Variants in SHQ1 observed in about 807,000 individuals in gnomAD.
SHQ1 encodes the protein protein SHQ1 homolog.
Under a neutral mutation model 53.8 loss-of-function variants are expected in SHQ1, and 49 were observed. The ratio of observed to expected loss-of-function variants is 0.91; its 90% CI spans 0.72 to 1.16. The LOEUF (loss-of-function observed/expected upper bound fraction) is 1.16. Ranked by LOEUF, SHQ1 falls within the 50% of genes most tolerant of loss-of-function variation. The pLI, the probability that SHQ1 is intolerant of heterozygous loss-of-function variation, is 0.00. For missense variants in SHQ1, 738 were observed against 683.1 expected (o/e 1.08, Z -0.90); for synonymous variants, 243 against 251.0 (o/e 0.97, Z 0.30).
chr3:72,821,858 C>T (rs1254480431), intron 6 of SHQ1, among the ~76,000 whole-genome samples: 1 of 152,154 alleles, frequency 6.6e-6, no homozygotes, highest in Non-Finnish European at 1.5e-5. Context: ...TTTATTCCTC[C>T]AATTCTGAGT....
chr3:72,741,775 C>T, the SHQ1 span, among the ~76,000 whole-genome samples: 1 of 151,974 alleles, frequency 6.6e-6, no homozygotes, highest in East Asian at 1.9e-4. Flanking sequence ...ACATCCATGA[C>T]TTCAACCAAC....
At chr3:72,796,896 A>G (rs1475849321) in intron 9 of SHQ1, among the ~76,000 whole-genome samples, 1 of 148,032 alleles carries the variant, frequency 6.8e-6, no homozygotes, top group African/African-American at 2.5e-5. Flanking sequence ...AAGAAATTAC[A>G]TTGTATTTGC....
At chr3:72,768,869 G>A (rs1398421985) in intron 10 of SHQ1, among the ~76,000 whole-genome samples, 2 of 152,114 alleles carry the variant, frequency 1.3e-5, no homozygotes, top group African/African-American at 2.4e-5. Flanking sequence ...CTAGAACCCC[G>A]CTGCAGCTTC....
chr3:72,810,663 C>T (rs1053599695), intron 9 of SHQ1, among the ~76,000 whole-genome samples: 2 of 152,122 alleles, frequency 1.3e-5, no homozygotes, highest in Non-Finnish European at 2.9e-5. Context: ...ACCAGAGCTA[C>T]CTTTATTTAA....
At chr3:72,842,745 T>C (rs1438728035) in intron 2 of SHQ1, among the ~76,000 whole-genome samples, 1 of 152,174 alleles carries the variant, frequency 6.6e-6, no homozygotes, top group Non-Finnish European at 1.5e-5. Context: ...AAAAGGTTCT[T>C]AACAAGGGTT....
the SHQ1 span, among the ~76,000 whole-genome samples, chr3:72,729,029 T>A: frequency 6.6e-6 from 1 of 152,140 alleles, no homozygotes; most frequent in African/African-American, 2.4e-5. Context: ...CATCTGTTCT[T>A]CCCCTCCCTC....
At chr3:72,833,937 G>C (rs1028735049) in intron 4 of SHQ1, among the ~76,000 whole-genome samples, 63 of 152,170 alleles carry the variant, frequency 4.1e-4, no homozygotes, top group African/African-American at 1.5e-3. Flanking sequence ...GAAATCAAGG[G>C]AAATAACTTA....
At chr3:72,752,230 T>A (rs760048852) in intron 10 of SHQ1, among the ~76,000 whole-genome samples, 2 of 152,136 alleles carry the variant, frequency 1.3e-5, no homozygotes, top group Non-Finnish European at 2.9e-5. Context: ...TACATATATA[T>A]AAAAAGGGAA....
chr3:72,748,363 A>C (rs1705294197), downstream of SHQ1, among the ~76,000 whole-genome samples: 1 of 130,278 alleles, frequency 7.7e-6, no homozygotes. Flanking sequence ...AAAAAAAAAG[A>C]CTCATATGAG....
chr3:72,765,311 G>T lies in SHQ1; in HGVS notation c.1182-14475C>A, dbSNP rs958410080. Reference sequence around the variant, plus strand: ...TCTGTCCATTCAGATGCCACCACTTGCCTGTCTCCTCAGACCTCTACCTGT... The same window carrying T: ...TCTGTCCATTCAGATGCCACCACTTTCCTGTCTCCTCAGACCTCTACCTGT... On this transcript the variant is annotated intron_variant, in intron 10 of 10. Transcript: ENST00000325599. 2.0e-5 allele frequency among the ~76,000 whole-genome samples: 3 copies of T among 151,848 alleles called. No individual in the cohort carries two copies. The East Asian group carries it at 5.8e-4, about 29-fold the overall frequency.
At chr3:72,768,426 G>A (rs1422305268) in intron 10 of SHQ1, among the ~76,000 whole-genome samples, 2 of 152,226 alleles carry the variant, frequency 1.3e-5, no homozygotes, top group African/African-American at 4.8e-5. Context: ...AAACCGCGGA[G>A]AAGAGCTGCC....
At chr3:72,811,107 C>T (rs1237130493) in intron 9 of SHQ1, among the ~76,000 whole-genome samples, 1 of 152,070 alleles carries the variant, frequency 6.6e-6, no homozygotes, top group Non-Finnish European at 1.5e-5. Flanking sequence ...GATTACTTTT[C>T]CAATGAAAGT....
chr3:72,763,063 A>ACACACACT (rs1491509394), intron 10 of SHQ1, among the ~76,000 whole-genome samples: 165 of 88,050 alleles, frequency 1.9e-3, no homozygotes, highest in African/African-American at 6.4e-3. Flanking sequence ...ACACACACAC[A>ACACACACT]GAGAGAGAGA....
At chr3:72,791,706 TA>T (rs1706442681) in intron 10 of SHQ1, among the ~76,000 whole-genome samples, 2 of 152,054 alleles carry the variant, frequency 1.3e-5, no homozygotes, top group Admixed American at 1.3e-4. Context: ...GTTCCCTTTA[TA>T]GGTTTTTTGT....
Position 72,777,866 on chromosome 3 carries a change from T to C in SHQ1, c.1181+15050A>G, listed in dbSNP as rs114383001. On this transcript the variant is annotated intron_variant, in intron 10 of 10. Coordinates refer to ENST00000325599, the MANE Select transcript of SHQ1 (RefSeq NM_018130.3). ...ATATTCAGACAATGGGATAGTACACTGCAGGACAGAAAAGAACCATCTACA... is the reference window on the plus strand; with the variant it reads ...ATATTCAGACAATGGGATAGTACACCGCAGGACAGAAAAGAACCATCTACA... 4.7e-3 allele frequency among the ~76,000 whole-genome samples: 718 copies of C among 152,302 alleles called. 4 individuals are homozygous for C. The highest frequency in any genetic ancestry group is 0.016 in the African/African-American group (672 of 41,562).
chr3:72,758,610 C>CCAT (rs1553688759), intron 10 of SHQ1, among the ~76,000 whole-genome samples: 1 of 144,070 alleles, frequency 6.9e-6, no homozygotes, highest in African/African-American at 2.7e-5. Flanking sequence ...CATTCTATTG[C>CCAT]CCAAGCTGGA....
chr3:72,778,442 C>T (rs900294497), intron 10 of SHQ1, among the ~76,000 whole-genome samples: 4 of 150,374 alleles, frequency 2.7e-5, no homozygotes, highest in Non-Finnish European at 4.4e-5. Flanking sequence ...GAAACCCTGT[C>T]TCTTTAAAAA....
At chr3:72,728,849 G>A in the SHQ1 span, among the ~76,000 whole-genome samples, 2 of 152,202 alleles carry the variant, frequency 1.3e-5, no homozygotes, top group African/African-American at 4.8e-5. Context: ...TCACTACAGG[G>A]CCACGCCCAA....
At chr3:72,748,651 A>C (rs994516428), downstream of SHQ1, among the ~76,000 whole-genome samples, 1 of 152,190 alleles carries the variant, frequency 6.6e-6, no homozygotes, top group African/African-American at 2.4e-5. Context: ...AGATCACGCC[A>C]CTGCATGCCA....
Sources: gnomAD v4.1 joint callset for allele counts (sites outside exome capture counted in the v4.1 genomes callset) on GRCh38, gnomAD v4.1.1 for gene constraint, MANE v1.5 for transcripts, NCBI Gene and HGNC (gene_info 2026-07-23, HGNC 2026-07-21) for gene names.